The following VTI1A variants were observed in gnomAD, a reference collection of about 807,000 sequenced individuals.
The protein encoded by VTI1A is vesicle transport through interaction with t-SNAREs homolog 1A.
VTI1A carries 22 observed loss-of-function variants against 34.9 expected under a neutral mutation model. That is an observed-to-expected ratio of 0.63 (90% confidence interval 0.45 to 0.90). The LOEUF (loss-of-function observed/expected upper bound fraction) is 0.90, where lower values mean the gene tolerates loss of function less well. Among genes scored for constraint, VTI1A ranks in the 40% least tolerant of loss-of-function variants. The probability of loss-of-function intolerance (pLI) is 0.00; values close to 1 mark genes in which losing one functional copy is unlikely to be tolerated. For missense variants in VTI1A, 268 were observed against 275.6 expected (o/e 0.97, Z 0.20); for synonymous variants, 87 against 97.3 (o/e 0.89, Z 0.62).
the VTI1A span, among the ~76,000 whole-genome samples, chr10:112,830,850 T>TATA: frequency 4.4e-4 from 13 of 29,816 alleles, no homozygotes; most frequent in East Asian, 1.1e-3. Context: ...TATATATATA[T>TATA]TTTTTTTTTT....
intron 5 of VTI1A, among the ~76,000 whole-genome samples, chr10:112,594,648 A>G (rs528681050): frequency 0.034 from 5,159 of 152,124 alleles, 301 homozygotes; most frequent in African/African-American, 0.12. Context: ...CCACTGCTCA[A>G]TGAAATAAAA....
chr10:112,799,468 C>G (rs1852796182), intron 7 of VTI1A, among the ~76,000 whole-genome samples: 1 of 152,218 alleles, frequency 6.6e-6, no homozygotes, highest in Non-Finnish European at 1.5e-5. Flanking sequence ...CAGCAGCAGT[C>G]AGCAGCAGCC....
chr10:112,658,088 AT>A (rs1847301641), intron 5 of VTI1A, among the ~76,000 whole-genome samples: 1 of 151,650 alleles, frequency 6.6e-6, no homozygotes, highest in Non-Finnish European at 1.5e-5. Context: ...CTATTACTTT[AT>A]TTATTTATTT....
intron 3 of VTI1A, among the ~76,000 whole-genome samples, chr10:112,473,607 A>G (rs928377200): frequency 6.6e-6 from 1 of 152,156 alleles, no homozygotes. Context: ...TTTGATTAGG[A>G]TCGTCTCTCA....
chr10:112,453,045 A>G (rs1387215763), intron 1 of VTI1A, among the ~76,000 whole-genome samples: 2 of 152,134 alleles, frequency 1.3e-5, no homozygotes, highest in Non-Finnish European at 2.9e-5. Context: ...TAGGCCCCTC[A>G]TGGCTATGAC....
At chr10:112,637,431 G>A (rs1846397940) in intron 5 of VTI1A, among the ~76,000 whole-genome samples, 1 of 152,192 alleles carries the variant, frequency 6.6e-6, no homozygotes, top group African/African-American at 2.4e-5. Context: ...CACTTTGGGA[G>A]GCCAAGGTGG....
rs957311297 is a variant in VTI1A, at chr10:112,810,235, T to G, written c.561-5055T>G. ...TTGGCCAACACGGTGAAACCCCATCTCTACTAAAAATACAAAAATTAGCTG... is the reference window on the plus strand; with the variant it reads ...TTGGCCAACACGGTGAAACCCCATCGCTACTAAAAATACAAAAATTAGCTG... On this transcript the variant is annotated intron_variant, in intron 7 of 7. Coordinates refer to ENST00000393077, the MANE Select transcript of VTI1A (RefSeq NM_145206.4). Among the ~76,000 whole-genome samples the G allele has an allele frequency of 2.6e-5, 4 of 151,804 alleles. No individual in the cohort carries two copies. In the South Asian group the frequency reaches 8.3e-4, roughly 32 times the overall value.
chr10:112,705,287 G>A (rs930228160), intron 7 of VTI1A, among the ~76,000 whole-genome samples: 1 of 151,994 alleles, frequency 6.6e-6, no homozygotes, highest in Non-Finnish European at 1.5e-5. Flanking sequence ...AGAGATAAGC[G>A]CTAGAATAGC....
At chr10:112,748,171 G>A (rs928933526) in intron 7 of VTI1A, among the ~76,000 whole-genome samples, 4 of 152,216 alleles carry the variant, frequency 2.6e-5, no homozygotes, top group South Asian at 2.1e-4. Context: ...TGACATGCCC[G>A]GCTCAGGGCA....
intron 5 of VTI1A, among the ~76,000 whole-genome samples, chr10:112,660,946 A>C (rs1481618638): frequency 6.6e-6 from 1 of 152,212 alleles, no homozygotes; most frequent in Non-Finnish European, 1.5e-5. Context: ...CTTTGAAAGA[A>C]TATAAGAGAA....
the VTI1A span, among the ~76,000 whole-genome samples, chr10:112,842,649 A>G: frequency 1.3e-5 from 2 of 152,274 alleles, no homozygotes; most frequent in South Asian, 4.1e-4. Flanking sequence ...TATTATTCTG[A>G]TTATTTGGCA....
intron 5 of VTI1A, among the ~76,000 whole-genome samples, chr10:112,642,608 AGT>A (rs75201126): frequency 8.5e-4 from 127 of 149,116 alleles, no homozygotes; most frequent in Middle Eastern, 6.9e-3. Flanking sequence ...TATACAGGGT[AGT>A]GTGTGTGTGT....
At position 112,622,200 on chromosome 10, in the gene VTI1A, G is replaced by A. The variant is rs565847484; in HGVS notation, c.428-46018G>A. Among the ~76,000 whole-genome samples, 11 of 152,220 alleles carry A rather than the reference G, an allele frequency of 7.2e-5. No individual in the cohort carries two copies. In the South Asian group the frequency reaches 1.7e-3, roughly 23 times the overall value. On this transcript the variant is annotated intron_variant, in intron 5 of 7. Coordinates refer to ENST00000393077, the MANE Select transcript of VTI1A (RefSeq NM_145206.4). ...ATCAACAACATGCCATAAGCCAGTC[G>A]ATATACCTAAAAGCCAAACTGCAAA...
At chr10:112,689,499 C>T (rs1334645188) in intron 7 of VTI1A, among the ~76,000 whole-genome samples, 4 of 152,132 alleles carry the variant, frequency 2.6e-5, no homozygotes. Flanking sequence ...AGGTGCTGGA[C>T]AGCCAGGGGG....
At position 112,590,541 on chromosome 10, in the gene VTI1A, A is replaced by G. The variant is rs1035604725; in HGVS notation, c.427+52211A>G. 4.0e-5 allele frequency among the ~76,000 whole-genome samples: 6 copies of G among 151,602 alleles called. No homozygotes were observed. In the East Asian group the frequency reaches 5.9e-4, roughly 15 times the overall value. On this transcript the variant is annotated intron_variant, in intron 5 of 7. Transcript: ENST00000393077. ...GACCCCTTCTTAAAATTTTCCAGAC[A>G]TGGTGGCATGCATGCCTATAATCCC... is the stretch of plus-strand genomic sequence containing the variant.
chr10:112,778,772 T>C (rs917770551), intron 7 of VTI1A, among the ~76,000 whole-genome samples: 7 of 152,124 alleles, frequency 4.6e-5, no homozygotes, highest in Admixed American at 3.3e-4. Context: ...CTTGCTCTAC[T>C]GGGAGACATA....
At chr10:112,746,870 A>T (rs1159455284) in intron 7 of VTI1A, among the ~76,000 whole-genome samples, 1 of 152,252 alleles carries the variant, frequency 6.6e-6, no homozygotes, top group Non-Finnish European at 1.5e-5. Flanking sequence ...AGGTTGCATG[A>T]TAAAAATATG....
chr10:112,756,158 G>T (rs1269162776), intron 7 of VTI1A, among the ~76,000 whole-genome samples: 1 of 152,166 alleles, frequency 6.6e-6, no homozygotes, highest in Non-Finnish European at 1.5e-5. Flanking sequence ...AGGGGTAAAA[G>T]TTATTACAAG....
chr10:112,798,635 TTTTC>T (rs1443432519), intron 7 of VTI1A, among the ~76,000 whole-genome samples: 1 of 152,128 alleles, frequency 6.6e-6, no homozygotes, highest in Non-Finnish European at 1.5e-5. Flanking sequence ...TGGCAACTAG[TTTTC>T]TTTATCTTCA....
Sources: gnomAD v4.1 joint callset for allele counts (sites outside exome capture counted in the v4.1 genomes callset) on GRCh38, gnomAD v4.1.1 for gene constraint, MANE v1.5 for transcripts, NCBI Gene and HGNC (gene_info 2026-07-23, HGNC 2026-07-21) for gene names.